Variants in SLC2A14 observed in about 807,000 individuals in gnomAD.
SLC2A14 encodes solute carrier family 2 member 14.
A neutral mutation model predicts 43.0 loss-of-function variants in SLC2A14; 13 were observed. That is an observed-to-expected ratio of 0.30 (90% CI 0.20 to 0.48). The LOEUF is 0.48. Ranked by LOEUF, SLC2A14 falls within the 20% of genes least tolerant of loss-of-function variation. The probability of loss-of-function intolerance (pLI) is 0.99; values close to 1 mark genes in which losing one functional copy is unlikely to be tolerated. For missense variants in SLC2A14, 428 were observed against 620.4 expected, an observed-to-expected ratio of 0.69 and a Z score of 3.29; for synonymous variants, 190 against 233.8, an observed-to-expected ratio of 0.81 and a Z score of 1.71.
chr12:7,891,095 T>C, exon 1 of SLC2A14: 1 of 1,534,700 alleles, frequency 6.5e-7, no homozygotes, highest in South Asian at 1.2e-5. Context: ...CACCCAGGAG[T>C]ACTTCTACTC....
At chr12:7,866,631 G>A (rs991644262) in intron 2 of SLC2A14, among the ~76,000 whole-genome samples, 3 of 152,148 alleles carry the variant, frequency 2.0e-5, no homozygotes, top group African/African-American at 7.2e-5. Context: ...CTCCCAAAGT[G>A]CTGGGATTAC....
At chr12:7,885,871 T>C (rs1945678739) in intron 1 of SLC2A14, among the ~76,000 whole-genome samples, 1 of 152,104 alleles carries the variant, frequency 6.6e-6, no homozygotes. Flanking sequence ...TTTCTTCTCA[T>C]GGTAAGGTCA....
chr12:7,847,544 G>T (rs1206277949), intron 2 of SLC2A14, among the ~76,000 whole-genome samples: 1 of 152,094 alleles, frequency 6.6e-6, no homozygotes, highest in African/African-American at 2.4e-5. Context: ...CTGGATTTGG[G>T]CTCCCAATTT....
intron 2 of SLC2A14, among the ~76,000 whole-genome samples, chr12:7,867,296 A>AG (rs1181638751): frequency 7.9e-6 from 1 of 127,286 alleles, no homozygotes; most frequent in Non-Finnish European, 1.7e-5. Flanking sequence ...AAAAAAAAAA[A>AG]AAAACAAAAA....
intron 7 of SLC2A14, among the ~76,000 whole-genome samples, chr12:7,825,786 GA>G (rs1186466321): frequency 8.6e-5 from 9 of 104,310 alleles, no homozygotes; most frequent in Admixed American, 3.2e-4. Flanking sequence ...AAAAAAGAAA[GA>G]AAAGAAAAGA....
At chr12:7,827,915 T>A (rs768936021) in intron 6 of SLC2A14, among the ~76,000 whole-genome samples, 2 of 152,194 alleles carry the variant, frequency 1.3e-5, no homozygotes, top group African/African-American at 4.8e-5. Flanking sequence ...CCGAGGCTTG[T>A]GGATCACCTG....
In SLC2A14 at chr12:7,831,647, T is replaced by C. The variant is rs774924794; in HGVS notation, c.229A>G (p.Ile77Val). 4.3e-6 allele frequency: 7 copies of C among 1,614,170 alleles called. No individual in the cohort carries two copies. The highest frequency in any genetic ancestry group is 5.1e-6 in the Non-Finnish European group (6 of 1,180,032). Residue 77 changes from isoleucine to valine, a missense_variant, in exon 4 of 11, where the codon ATC (isoleucine) becomes GTC (valine). Transcript: ENST00000431042. ...AAGAGTCCGACGGAAAAGGAGCCGA[T>C]CATACCCCCGACGGAAAATATGGCC... ...SVAIFSVGGM[I>V]GSFSVGLFVN...
At chr12:7,883,628 C>T (rs1398729610) in intron 1 of SLC2A14, among the ~76,000 whole-genome samples, 8 of 112,626 alleles carry the variant, frequency 7.1e-5, no homozygotes, top group African/African-American at 2.9e-4. Flanking sequence ...CGGGGTCTCT[C>T]TCTGTCACCA....
chr12:7,827,741 T>C lies in SLC2A14; in HGVS notation c.677-59A>G, dbSNP rs1045615672. The C allele has an allele frequency of 2.8e-6, 4 of 1,443,840 alleles. No individual in the cohort carries two copies. In the East Asian group the frequency reaches 9.9e-5, roughly 36 times the overall value. 89.4% of individuals were successfully genotyped at this position (1,443,840 alleles called of 1,614,324 possible). A position where few individuals can be genotyped will look rare whatever the true frequency, so the allele number is the denominator to read the frequency against. On this transcript the variant is annotated intron_variant, in intron 6 of 10. Transcript: ENST00000431042. ...GAATGTGCTGCCCCAAATTCATTCT[T>C]CCTGTAAGGCAGCCAGGAAAGGGCC...
intron 2 of SLC2A14, among the ~76,000 whole-genome samples, chr12:7,850,406 AT>A (rs1565547968): frequency 6.6e-6 from 1 of 151,392 alleles, no homozygotes; most frequent in African/African-American, 2.4e-5. Flanking sequence ...TATTATTATT[AT>A]TTTTTTGAGA....
intron 1 of SLC2A14, among the ~76,000 whole-genome samples, chr12:7,882,631 G>A (rs1327916640): frequency 6.6e-6 from 1 of 152,242 alleles, no homozygotes; most frequent in East Asian, 1.9e-4. Flanking sequence ...GAGCTCAGGG[G>A]TTAAAGACCA....
chr12:7,868,790 CA>C (rs1945059179), intron 2 of SLC2A14, among the ~76,000 whole-genome samples: 1 of 152,040 alleles, frequency 6.6e-6, no homozygotes, highest in Non-Finnish European at 1.5e-5. Flanking sequence ...GGTGGATCAC[CA>C]GAGATCAGGA....
At chr12:7,834,021 G>T (rs991224880) in intron 2 of SLC2A14, among the ~76,000 whole-genome samples, 1 of 148,560 alleles carries the variant, frequency 6.7e-6, no homozygotes, top group Non-Finnish European at 1.5e-5. Context: ...ACCACAGGCT[G>T]AAAGCTTCAG....
chr12:7,837,685 C>CT (rs57484495), intron 2 of SLC2A14, among the ~76,000 whole-genome samples: 10 of 112,542 alleles, frequency 8.9e-5, no homozygotes, highest in African/African-American at 3.4e-4. Context: ...CATTTTTCTT[C>CT]TTTTTTTTTT....
intron 1 of SLC2A14, among the ~76,000 whole-genome samples, chr12:7,882,772 G>A (rs1224617940): frequency 1.3e-5 from 2 of 152,022 alleles, no homozygotes; most frequent in African/African-American, 2.4e-5. Context: ...AGGAGGCAGA[G>A]GCTGCAGTGA....
intron 2 of SLC2A14, among the ~76,000 whole-genome samples, chr12:7,863,168 G>GC (rs1944688664): frequency 6.6e-6 from 1 of 152,054 alleles, no homozygotes; most frequent in Non-Finnish European, 1.5e-5. Flanking sequence ...TTTGAGCCCA[G>GC]CGAGACTACG....
At position 7,823,778 on chromosome 12, in the gene SLC2A14, A is replaced by ACT. The variant is rs1370218094; in HGVS notation, c.865-2454_865-2453insAG. 9.9e-5 allele frequency among the ~76,000 whole-genome samples: 15 copies of ACT among 152,220 alleles called. No individual in the cohort carries two copies. In the East Asian group the frequency reaches 2.5e-3, roughly 26 times the overall value. Reference sequence around the variant, plus strand: ...ACTCAGACCTCAAGTTAACAAGGGAACATTATCTAGGTTACCCAGGTTCAC... The same window carrying ACT: ...ACTCAGACCTCAAGTTAACAAGGGAACTCATTATCTAGGTTACCCAGGTTCAC... On this transcript the variant is annotated intron_variant, in intron 7 of 10. Coordinates refer to ENST00000431042, the MANE Select transcript of SLC2A14 (RefSeq NM_001286234.2).
chr12:7,840,541 A>G (rs1316784542), intron 2 of SLC2A14, among the ~76,000 whole-genome samples: 1 of 151,846 alleles, frequency 6.6e-6, no homozygotes, highest in Non-Finnish European at 1.5e-5. Flanking sequence ...CACCACACCC[A>G]CACCCAGCTA....
At chr12:7,828,530 C>G (rs1432656783) in intron 6 of SLC2A14, among the ~76,000 whole-genome samples, 174 bp downstream of exon 6, 4 of 152,020 alleles carry the variant, frequency 2.6e-5, no homozygotes, top group Admixed American at 2.6e-4. Context: ...GCATGGGCAA[C>G]AGCATGAGAT....
Sources: gnomAD v4.1 joint callset for allele counts (sites outside exome capture counted in the v4.1 genomes callset) on GRCh38, gnomAD v4.1.1 for gene constraint, MANE v1.5 for transcripts, NCBI Gene and HGNC (gene_info 2026-07-23, HGNC 2026-07-21) for gene names.